Variants in SHCBP1L observed in about 807,000 individuals in gnomAD.
The protein encoded by SHCBP1L is SHC binding and spindle associated 1 like, also known as testicular spindle-associated protein SHCBP1L.
A neutral mutation model predicts 62.5 loss-of-function variants in SHCBP1L; 67 were observed. The observed-to-expected ratio is 1.07, with a 90% CI of 0.88 to 1.31. SHCBP1L has a LOEUF of 1.31. Among genes scored for constraint, SHCBP1L ranks in the 40% most tolerant of loss-of-function variants. The pLI, the probability that SHCBP1L is intolerant of heterozygous loss-of-function variation, is 0.00. For missense variants in SHCBP1L, 823 were observed against 809.8 expected, an observed-to-expected ratio of 1.02 and a Z score of -0.20; for synonymous variants, 284 against 289.4, an observed-to-expected ratio of 0.98 and a Z score of 0.19.
intron 9 of SHCBP1L, among the ~76,000 whole-genome samples, chr1:182,902,212 G>A (rs1388649042): frequency 6.6e-6 from 1 of 151,722 alleles, no homozygotes; most frequent in Non-Finnish European, 1.5e-5. Context: ...ACCACGGTTG[G>A]CTAATTTTTT....
At chr1:182,949,713 G>A (rs1651684904) in intron 2 of SHCBP1L, among the ~76,000 whole-genome samples, 1 of 150,718 alleles carries the variant, frequency 6.6e-6, no homozygotes, top group African/African-American at 2.4e-5. Context: ...AAAAGAAAAA[G>A]GAAAAGAAAC....
rs761707289 is a variant in SHCBP1L, at chr1:182,900,048, G to C, written c.1897C>G (p.Leu633Val). 16 of 1,612,948 alleles carry C rather than the reference G, an allele frequency of 9.9e-6. No individual in the cohort carries two copies. The South Asian group carries it at 1.4e-4, about 14-fold the overall frequency. The change falls in exon 10 of 10, where the codon CTG (leucine) becomes GTG (valine). Residue 633 changes from leucine (L) to valine (V), a missense_variant. By Grantham distance (32) the Leu-to-Val change is conservative (BLOSUM62 1). Coordinates refer to ENST00000367547, the MANE Select transcript of SHCBP1L (RefSeq NM_030933.4). ...TCTATCTTATTATTATTCATTTCCA[G>C]ATTCAGATTTTGCATTACTTTGAAG... The part of the protein sequence containing the change: ...MLFKVMQNLN[L>V]EMNNNKIEAN...
At chr1:182,923,170 G>T (rs1650575949) in intron 6 of SHCBP1L, among the ~76,000 whole-genome samples, 1 of 152,082 alleles carries the variant, frequency 6.6e-6, no homozygotes, top group African/African-American at 2.4e-5. Context: ...AATCTCCCAA[G>T]ATTGAACCAG....
Position 182,952,773 on chromosome 1 carries a change from C to A in SHCBP1L, c.361G>T (p.Glu121Ter). The change falls in exon 1 of 10, where the codon GAG (glutamate) becomes TAG (stop). Residue 121 changes from glutamate (E) to a stop codon, truncating the protein, a stop_gained. Transcript: ENST00000367547. LOFTEE classifies it high-confidence loss of function. Reference protein sequence around the residue: ...VSRMRGMWRDEKVSLYCDEVL... With the variant: ...VSRMRGMWRD ...TCGTCGCAATACAGCGACACCTTCT[C>A]GTCCCGCCACATCCCCCTCATACGG... 6.2e-7 allele frequency: 1 copy of A among 1,612,022 alleles called. No individual in the cohort carries two copies. Among genetic ancestry groups the A allele is most frequent in the Non-Finnish European group, 8.5e-7 (1 of 1,179,254 alleles).
chr1:182,924,713 A>AAGGG (rs1557996610), intron 6 of SHCBP1L, among the ~76,000 whole-genome samples: 4 of 47,554 alleles, frequency 8.4e-5, no homozygotes, highest in African/African-American at 7.4e-4. Context: ...AGAAAGAAAG[A>AAGGG]AAGAAAGAAA....
At chr1:182,909,857 G>A (rs561201557) in intron 6 of SHCBP1L, among the ~76,000 whole-genome samples, 1 of 152,294 alleles carries the variant, frequency 6.6e-6, no homozygotes, top group Admixed American at 6.5e-5. Context: ...GAGATTCTAC[G>A]TGACCACAAC....
intron 6 of SHCBP1L, among the ~76,000 whole-genome samples, chr1:182,909,831 T>G (rs1450803548): frequency 6.6e-6 from 1 of 152,204 alleles, no homozygotes; most frequent in Non-Finnish European, 1.5e-5. Context: ...TTGTACCTAC[T>G]GCAATTGGCC....
At chr1:182,910,790 C>G (rs968815896) in intron 6 of SHCBP1L, among the ~76,000 whole-genome samples, 1 of 152,228 alleles carries the variant, frequency 6.6e-6, no homozygotes, top group Non-Finnish European at 1.5e-5. Context: ...TTTAGGCAGC[C>G]TGGCTTAGCT....
At chr1:182,903,503 C>T (rs1269093163) in intron 8 of SHCBP1L, among the ~76,000 whole-genome samples, 1 of 152,082 alleles carries the variant, frequency 6.6e-6, no homozygotes, top group African/African-American at 2.4e-5. Context: ...CTTAATGCCA[C>T]TAAAGTATAT....
Position 182,939,534 on chromosome 1 carries a change from A to G in SHCBP1L, c.790T>C (p.Trp264Arg), listed in dbSNP as rs1466616825. 6.2e-7 allele frequency: 1 copy of G among 1,603,188 alleles called. No homozygotes were observed. The highest frequency in any genetic ancestry group is 1.3e-5 in the African/African-American group (1 of 74,172). ...EVVRFFYDFL[W>R]RDWDDEESCE... ...CTTTCTTCATCATCCCAGTCTCTCC[A>G]AAGAAAGTCATAAAAAAACCTACGA... The change falls in exon 4 of 10, where the codon TGG becomes CGG. Residue 264 changes from tryptophan (W) to arginine (R), a missense_variant. Transcript: ENST00000367547.
At chr1:182,914,109 T>C (rs561023954) in intron 6 of SHCBP1L, among the ~76,000 whole-genome samples, 13 of 152,186 alleles carry the variant, frequency 8.5e-5, no homozygotes, top group African/African-American at 2.9e-4. Context: ...TCAGAAACCA[T>C]GGAAGCCAGA....
At chr1:182,930,571 A>G (rs1650942883) in intron 5 of SHCBP1L, among the ~76,000 whole-genome samples, 1 of 126,316 alleles carries the variant, frequency 7.9e-6, no homozygotes, top group Non-Finnish European at 1.7e-5. Context: ...ATATATATAT[A>G]TATATATATA....
chr1:182,901,578 G>A (rs1649839438), intron 9 of SHCBP1L, among the ~76,000 whole-genome samples: 1 of 152,212 alleles, frequency 6.6e-6, no homozygotes, highest in African/African-American at 2.4e-5. Context: ...AGATTGGAAG[G>A]AGATTACGTT....
chr1:182,901,547 C>G (rs747992488), intron 9 of SHCBP1L, among the ~76,000 whole-genome samples: 6 of 152,044 alleles, frequency 3.9e-5, no homozygotes, highest in Non-Finnish European at 7.4e-5. Flanking sequence ...CAGTGTGGCT[C>G]GAATATAATG....
chr1:182,919,148 CCTTAGTCTAT>C (rs1160129757), intron 6 of SHCBP1L, among the ~76,000 whole-genome samples: 2 of 152,196 alleles, frequency 1.3e-5, no homozygotes, highest in Non-Finnish European at 2.9e-5. Context: ...TAAATTTCTG[CCTTAGTCTAT>C]CTGTGCTGCT....
chr1:182,905,435 A>G, intron 7 of SHCBP1L, 61 bp downstream of exon 7: 4 of 1,483,332 alleles, frequency 2.7e-6, no homozygotes, highest in South Asian at 2.5e-5. Context: ...GCATGTTTAG[A>G]ATACACAATT....
At chr1:182,952,532 T>C (rs1571364621) in intron 1 of SHCBP1L, 197 bp downstream of exon 1, 2 of 587,824 alleles carry the variant, frequency 3.4e-6, no homozygotes, top group East Asian at 3.4e-5. Flanking sequence ...ACTCGAACCT[T>C]AACTCCTCTA....
At chr1:182,936,127 TTTG>T (rs1289178451) in intron 5 of SHCBP1L, among the ~76,000 whole-genome samples, 2 of 118,972 alleles carry the variant, frequency 1.7e-5, no homozygotes, top group East Asian at 2.5e-4. Flanking sequence ...TTTTTTGTTT[TTTG>T]TTTTTTTTTT....
rs1651840467 is a variant in SHCBP1L, at chr1:182,952,964, A to C, written c.170T>G (p.Val57Gly). Reference protein sequence around the residue: ...VRSVVASPRPVKGKAGRETAR... With the variant: ...VRSVVASPRPGKGKAGRETAR... ...CGTCTCCCGGCCCGCTTTCCCCTTC[A>C]CCGGGCGAGGGGAGGCCACCACCGA... The change falls in exon 1 of 10, where the codon GTG becomes GGG. Residue 57 changes from valine to glycine, a missense_variant. Physicochemically the swap from Val to Gly is moderately radical, Grantham distance 109 (BLOSUM62 -3). Transcript: ENST00000367547. 6.5e-7 allele frequency: 1 copy of C among 1,544,764 alleles called. No individual in the cohort carries two copies. The highest frequency in any genetic ancestry group is 1.4e-5 in the African/African-American group (1 of 72,942).
Sources: allele counts gnomAD v4.1 joint callset (sites outside exome capture counted in the v4.1 genomes callset), GRCh38; gene constraint gnomAD v4.1.1; transcripts MANE v1.5; gene names NCBI Gene and HGNC (gene_info 2026-07-23, HGNC 2026-07-21).